DPY19L4: variants seen among roughly 807,000 people sequenced by gnomAD.
DPY19L4 encodes probable C-mannosyltransferase DPY19L4.
Under a neutral mutation model 102.8 loss-of-function variants are expected in DPY19L4, and 97 were observed. That is an observed-to-expected ratio of 0.94 (90% CI 0.80 to 1.12). The LOEUF (loss-of-function observed/expected upper bound fraction) is 1.12. Ranked by LOEUF, DPY19L4 falls within the 50% of genes most tolerant of loss-of-function variation. The probability of loss-of-function intolerance (pLI) is 0.00; values close to 1 mark genes in which losing one functional copy is unlikely to be tolerated. For synonymous variants in DPY19L4, 252 were observed against 283.1 expected (o/e 0.89, Z 1.10); for missense variants, 815 against 850.4 (o/e 0.96, Z 0.52).
intron 10 of DPY19L4, 141 bp from the exon 11 acceptor site, chr8:94,766,471 C>T: frequency 3.0e-6 from 2 of 668,834 alleles, no homozygotes; most frequent in Non-Finnish European, 5.0e-6. Context: ...AATCTCCTTG[C>T]TTCATAGTCA....
Position 94,768,392 on chromosome 8 carries a change from T to G in DPY19L4, c.1176-3T>G, listed in dbSNP as rs1181789741. The G allele has an allele frequency of 6.3e-7, 1 of 1,589,446 alleles. No individual in the cohort carries two copies. Among genetic ancestry groups the G allele is most frequent in the Non-Finnish European group, 8.5e-7 (1 of 1,173,350 alleles). On this transcript the variant is annotated splice_region_variant and splice_polypyrimidine_tract_variant and intron_variant, in intron 11 of 18. Coordinates refer to ENST00000414645, the MANE Select transcript of DPY19L4 (RefSeq NM_181787.3). Reference sequence around the variant, plus strand: ...TTAATATCATACTTTTTGTCTTCTATAGGAATTTTACAATGAATTGGCTCC... The same window carrying G: ...TTAATATCATACTTTTTGTCTTCTAGAGGAATTTTACAATGAATTGGCTCC...
At chr8:94,783,541 T>TGAAAA in intron 16 of DPY19L4, 129 bp from the exon 17 acceptor site, 1 of 1,291,752 alleles carries the variant, frequency 7.7e-7, no homozygotes, top group Non-Finnish European at 1.0e-6. Context: ...TGAAATGAAA[T>TGAAAA]GAAAACTGGC....
chr8:94,790,000 G>A lies in DPY19L4; in HGVS notation c.*90G>A. On this transcript the variant is annotated 3_prime_UTR_variant, in exon 19 of 19. Transcript: ENST00000414645. ...GGTGTCTTTTGCAGATCAGAGTATG[G>A]ACATTTGAAATATTGCTGCTTCTTT... is the stretch of plus-strand genomic sequence containing the variant. 1 of 1,280,242 alleles carries A rather than the reference G, an allele frequency of 7.8e-7. No homozygotes were observed. The highest frequency in any genetic ancestry group is 1.1e-6 in the Non-Finnish European group (1 of 922,692). 79.3% of individuals were successfully genotyped at this position (1,280,242 alleles called of 1,614,324 possible).
intron 16 of DPY19L4, among the ~76,000 whole-genome samples, chr8:94,782,823 T>A (rs1454008978): frequency 6.6e-6 from 1 of 152,228 alleles, no homozygotes; most frequent in Non-Finnish European, 1.5e-5. Flanking sequence ...TTTTCTATTG[T>A]TGAACACTGC....
chr8:94,761,865 AAG>A (rs1339781073), intron 8 of DPY19L4, 31 bp downstream of exon 8: 1 of 1,586,640 alleles, frequency 6.3e-7, no homozygotes, highest in Non-Finnish European at 8.5e-7. Flanking sequence ...GGTGATTTTT[AAG>A]AGAATAAATG....
At chr8:94,753,008 CAA>C (rs753977641) in intron 6 of DPY19L4, among the ~76,000 whole-genome samples, 30 of 117,060 alleles carry the variant, frequency 2.6e-4, no homozygotes, top group African/African-American at 5.2e-4. Flanking sequence ...GTATCTTCTG[CAA>C]AAAAAAAAAA....
intron 13 of DPY19L4, 141 bp from the exon 14 acceptor site, chr8:94,777,525 A>G: frequency 9.6e-7 from 1 of 1,038,904 alleles, no homozygotes; most frequent in Non-Finnish European, 1.4e-6. Context: ...TCTGTTGCTG[A>G]AAATTAGAGT....
intron 6 of DPY19L4, chr8:94,744,804 T>C (rs2130833142): frequency 3.1e-6 from 1 of 318,598 alleles, no homozygotes; most frequent in Non-Finnish European, 6.2e-6. Context: ...CTGATGTATG[T>C]TGTATTGCTG....
At position 94,768,938 on chromosome 8, in the gene DPY19L4, G is replaced by A. The variant is rs184108913; in HGVS notation, c.1334+385G>A. 9.0e-3 allele frequency among the ~76,000 whole-genome samples: 1,360 copies of A among 150,788 alleles called. 18 individuals carry two copies. Among genetic ancestry groups the A allele is most frequent in the African/African-American group, 0.031 (1,281 of 41,070 alleles). ...TGAGGCAGGAGAATCGCTTGAACCCGGGAGGCAGAGGTTGTGAGCCGAGAT... is the reference window on the plus strand; with the variant it reads ...TGAGGCAGGAGAATCGCTTGAACCCAGGAGGCAGAGGTTGTGAGCCGAGAT... On this transcript the variant is annotated intron_variant, in intron 12 of 18. Transcript: ENST00000414645.
chr8:94,763,465 T>C (rs1812488962), intron 8 of DPY19L4, among the ~76,000 whole-genome samples: 1 of 151,176 alleles, frequency 6.6e-6, no homozygotes, highest in Non-Finnish European at 1.5e-5. Context: ...CTCAGCCTCC[T>C]GAGTAGCTGA....
At chr8:94,782,508 T>TTTTTTTTTTTTTTTTTTTTTGAGACG (rs1563617066) in intron 16 of DPY19L4, among the ~76,000 whole-genome samples, 1 of 151,672 alleles carries the variant, frequency 6.6e-6, no homozygotes, top group African/African-American at 2.4e-5. Flanking sequence ...TGGCCATTTT[T>TTTTTTTTTTTTTTTTTTTTTGAGACG]GTAACCAGTC....
At position 94,758,107 on chromosome 8, in the gene DPY19L4, T is replaced by A. The variant is rs138633717; in HGVS notation, c.735+1948T>A. On this transcript the variant is annotated intron_variant, in intron 7 of 18. Transcript: ENST00000414645. Reference sequence around the variant, plus strand: ...GCCTGAGCAACAGAGTAAGACTCCATCTCCAAAAAAAAATAGAGTTTGGTA... The same window carrying A: ...GCCTGAGCAACAGAGTAAGACTCCAACTCCAAAAAAAAATAGAGTTTGGTA... Among the ~76,000 whole-genome samples, 174 of 151,838 alleles carry A rather than the reference T, an allele frequency of 1.1e-3. 2 individuals carry two copies. In the East Asian group the frequency reaches 0.026, roughly 22 times the overall value.
At chr8:94,751,981 A>T (rs1431129618) in intron 6 of DPY19L4, among the ~76,000 whole-genome samples, 1 of 152,166 alleles carries the variant, frequency 6.6e-6, no homozygotes, top group African/African-American at 2.4e-5. Context: ...TAGTATGGAT[A>T]TATCATAGTG....
At chr8:94,749,365 G>A (rs1484689748) in intron 6 of DPY19L4, among the ~76,000 whole-genome samples, 3 of 152,130 alleles carry the variant, frequency 2.0e-5, no homozygotes, top group African/African-American at 7.2e-5. Context: ...TTGAGACAAA[G>A]GTCCCTCAGC....
intron 6 of DPY19L4, among the ~76,000 whole-genome samples, chr8:94,742,390 T>TA (rs1049432495): frequency 1.7e-4 from 26 of 151,948 alleles, no homozygotes; most frequent in Admixed American, 5.3e-4. Context: ...TTTACTTATT[T>TA]TTTTTTTTTA....
intron 11 of DPY19L4, among the ~76,000 whole-genome samples, chr8:94,768,091 C>G (rs1035527766): frequency 6.6e-6 from 1 of 152,080 alleles, no homozygotes; most frequent in Non-Finnish European, 1.5e-5. Context: ...TGTTTGTTGT[C>G]TTCTAGATAA....
Position 94,787,917 on chromosome 8 carries a change from A to G in DPY19L4, c.1872A>G (p.Arg624=), listed in dbSNP as rs1410565507. The change falls in exon 18 of 19, where the codon CGA becomes CGG. Residue 624 remains arginine, a synonymous_variant. Transcript: ENST00000414645. ...AGATCTACCAAATCTATTCAAAGCGATCTGCTGAGGATATTTATAAAATAC... is the reference window on the plus strand; with the variant it reads ...AGATCTACCAAATCTATTCAAAGCGGTCTGCTGAGGATATTTATAAAATAC... ...NENIYQIYSK[R]SAEDIYKILT... 1.4e-6 allele frequency: 2 copies of G among 1,423,700 alleles called. No individual in the cohort carries two copies. The highest frequency in any genetic ancestry group is 1.8e-6 in the Non-Finnish European group (2 of 1,085,286). 88.2% of individuals were successfully genotyped at this position (1,423,700 alleles called of 1,614,324 possible). A position where few individuals can be genotyped will look rare whatever the true frequency, so the allele number is the denominator to read the frequency against.
intron 17 of DPY19L4, among the ~76,000 whole-genome samples, chr8:94,785,285 G>A (rs1180553743): frequency 6.6e-6 from 1 of 152,188 alleles, no homozygotes; most frequent in Non-Finnish European, 1.5e-5. Flanking sequence ...GTACTATTAA[G>A]TGGTTGTTGC....
chr8:94,781,063 T>TG (rs752008343), intron 15 of DPY19L4, 21 bp from the exon 16 acceptor site: 3 of 1,538,542 alleles, frequency 1.9e-6, no homozygotes, highest in Non-Finnish European at 2.6e-6. Context: ...GGGATTTTTT[T>TG]TTTTTTTTTT....
Sources: allele counts gnomAD v4.1 joint callset (sites outside exome capture counted in the v4.1 genomes callset), GRCh38; gene constraint gnomAD v4.1.1; transcripts MANE v1.5; gene names NCBI Gene and HGNC (gene_info 2026-07-23, HGNC 2026-07-21).